Variants in IDE observed in about 807,000 individuals in gnomAD.
The protein encoded by IDE is insulin-degrading enzyme.
In IDE, 58 loss-of-function variants were observed where a neutral mutation model predicts 133.2. That is an observed-to-expected ratio of 0.44 (90% CI 0.35 to 0.54). The LOEUF (loss-of-function observed/expected upper bound fraction) is 0.54, where lower values mean the gene tolerates loss of function less well. IDE is among the 20% of genes least tolerant of loss of function. IDE has a pLI of 0.00. For missense variants in IDE, 981 were observed against 1,234.0 expected, an observed-to-expected ratio of 0.79 and a Z score of 3.07; for synonymous variants, 396 against 421.3, an observed-to-expected ratio of 0.94 and a Z score of 0.73.
intron 17 of IDE, 96 bp downstream of exon 17, chr10:92,474,745 G>T: frequency 9.0e-7 from 1 of 1,108,124 alleles, no homozygotes; most frequent in Non-Finnish European, 1.3e-6. Flanking sequence ...AGAACTACAA[G>T]TTATTTAAAA....
At chr10:92,546,299 T>C (rs1842530934) in intron 1 of IDE, among the ~76,000 whole-genome samples, 1 of 152,216 alleles carries the variant, frequency 6.6e-6, no homozygotes, top group African/African-American at 2.4e-5. Flanking sequence ...TTCCAGGTCA[T>C]GTGCTGGTTA....
intron 11 of IDE, among the ~76,000 whole-genome samples, chr10:92,491,513 C>T (rs889634837): frequency 2.6e-5 from 4 of 152,150 alleles, no homozygotes; most frequent in Admixed American, 1.3e-4. Context: ...ATGTCTACCA[C>T]TGTAACCTCT....
chr10:92,541,263 T>A (rs1402203324), intron 1 of IDE: 1 of 465,256 alleles, frequency 2.1e-6, no homozygotes, highest in Non-Finnish European at 4.5e-6. Flanking sequence ...CTATAGCATA[T>A]CTATAAACAC....
chr10:92,511,385 G>A (rs943435386), intron 5 of IDE, among the ~76,000 whole-genome samples: 4 of 152,086 alleles, frequency 2.6e-5, no homozygotes, highest in Non-Finnish European at 5.9e-5. Flanking sequence ...TTACAGATGT[G>A]AGCCACCATG....
chr10:92,492,621 G>T (rs1237074339), intron 11 of IDE, among the ~76,000 whole-genome samples: 12 of 152,130 alleles, frequency 7.9e-5, no homozygotes, highest in Admixed American at 1.3e-4. Flanking sequence ...CAAATAATTA[G>T]GTCCCAATTC....
chr10:92,487,353 A>G (rs1473795524), intron 12 of IDE, 35 bp from the exon 13 acceptor site: 1 of 1,588,694 alleles, frequency 6.3e-7, no homozygotes, highest in Non-Finnish European at 8.6e-7. Context: ...ATGCAGTAAG[A>G]GTCTGATTTA....
intron 11 of IDE, among the ~76,000 whole-genome samples, chr10:92,491,929 C>T (rs892902367): frequency 4.2e-4 from 64 of 151,886 alleles, no homozygotes; most frequent in African/African-American, 1.4e-3. Flanking sequence ...TTTTTTGATG[C>T]GACAGTAGAA....
intron 1 of IDE, among the ~76,000 whole-genome samples, chr10:92,542,289 G>C (rs1187084052): frequency 6.6e-6 from 1 of 152,078 alleles, no homozygotes; most frequent in African/African-American, 2.4e-5. Context: ...CCAGTAGCTG[G>C]GACTATAGGC....
rs189523206 is a variant in IDE at position 92,466,750 on chromosome 10, C to T, written c.2321-907G>A. On this transcript the variant is annotated intron_variant, in intron 19 of 24. Coordinates refer to ENST00000265986, the MANE Select transcript of IDE (RefSeq NM_004969.4). The stretch of plus-strand genomic sequence containing the variant: ...CTCCTACCTCAGCCTCCCAAGTAGC[C>T]GGGATTACAGGTGCCTGCCACTATG... Among the ~76,000 whole-genome samples, 8 of 151,234 alleles carry T rather than the reference C, an allele frequency of 5.3e-5. No individual in the cohort carries two copies. In the East Asian group the frequency reaches 9.8e-4, roughly 19 times the overall value.
In IDE at chr10:92,463,813, T is replaced by C. The variant is rs762604985; in HGVS notation, c.2679A>G (p.Arg893=). 3.7e-6 allele frequency: 6 copies of C among 1,614,008 alleles called. No individual in the cohort carries two copies. The Admixed American group carries it at 6.7e-5, about 18-fold the overall frequency. ...CAGATAGCTTCTTTGGTTTGTCTAGTCGACGAATTGCTAATGCCTGAATGT... is the reference window on the plus strand; with the variant it reads ...CAGATAGCTTCTTTGGTTTGTCTAGCCGACGAATTGCTAATGCCTGAATGT... ...QKHIQALAIR[R]LDKPKKLSAE... The change falls in exon 21 of 25, where the codon CGA becomes CGG. Residue 893 remains arginine, a synonymous_variant. Coordinates refer to ENST00000265986, the MANE Select transcript of IDE (RefSeq NM_004969.4).
At chr10:92,569,666 C>G (rs1197009192) in intron 1 of IDE, among the ~76,000 whole-genome samples, 1 of 152,076 alleles carries the variant, frequency 6.6e-6, no homozygotes, top group African/African-American at 2.4e-5. Context: ...ATGATAACAA[C>G]ATAGCAAAAC....
At chr10:92,528,318 A>AT (rs1849735962) in intron 4 of IDE, among the ~76,000 whole-genome samples, 1 of 152,078 alleles carries the variant, frequency 6.6e-6, no homozygotes, top group African/African-American at 2.4e-5. Context: ...GTTGTGGTTT[A>AT]TTTTTGTTCA....
At chr10:92,469,367 G>C (rs1380529799) in intron 18 of IDE, among the ~76,000 whole-genome samples, 1 of 152,106 alleles carries the variant, frequency 6.6e-6, no homozygotes, top group Non-Finnish European at 1.5e-5. Flanking sequence ...CCACTTATTA[G>C]CATCTGACCT....
At chr10:92,470,396 G>T in intron 17 of IDE, 51 bp from the exon 18 acceptor site, 1 of 1,246,850 alleles carries the variant, frequency 8.0e-7, no homozygotes, top group Non-Finnish European at 1.1e-6. Context: ...GGGATTTTTT[G>T]TTTGAGATAA....
chr10:92,471,391 A>G lies in IDE; in HGVS notation c.2117-1046T>C, dbSNP rs940405921. Among the ~76,000 whole-genome samples, 3 of 152,332 alleles carry G rather than the reference A, an allele frequency of 2.0e-5. No individual in the cohort carries two copies. In the South Asian group the frequency reaches 6.2e-4, roughly 32 times the overall value. ...TTTTACAGATGTTATCTTTCACACT[A>G]TAAAGTAGCTACTATTATCCCCACT... is the stretch of plus-strand genomic sequence containing the variant. On this transcript the variant is annotated intron_variant, in intron 17 of 24. Transcript: ENST00000265986.
chr10:92,541,245 G>A (rs1842288473), intron 1 of IDE: 9 of 430,502 alleles, frequency 2.1e-5, no homozygotes, highest in South Asian at 1.6e-4. Flanking sequence ...TACAAAGTCT[G>A]GGTTTACCTA....
intron 4 of IDE, among the ~76,000 whole-genome samples, chr10:92,524,446 T>TTATA (rs1564647982): frequency 2.3e-5 from 1 of 42,966 alleles, no homozygotes; most frequent in African/African-American, 1.1e-4. Flanking sequence ...TATAATATAT[T>TTATA]TTATATATTA....
intron 1 of IDE, among the ~76,000 whole-genome samples, chr10:92,548,917 G>A (rs748504793): frequency 1.3e-5 from 2 of 152,130 alleles, no homozygotes; most frequent in Non-Finnish European, 2.9e-5. Context: ...ATGGCACATA[G>A]TGAGTAGAGG....
chr10:92,501,734 G>A (rs571729257), intron 11 of IDE, among the ~76,000 whole-genome samples: 2 of 151,900 alleles, frequency 1.3e-5, no homozygotes, highest in Non-Finnish European at 2.9e-5. Context: ...CAGCACTTTG[G>A]GAGGCTGAGG....
Sources: gnomAD v4.1 joint callset for allele counts (sites outside exome capture counted in the v4.1 genomes callset) on GRCh38, gnomAD v4.1.1 for gene constraint, MANE v1.5 for transcripts, NCBI Gene and HGNC (gene_info 2026-07-23, HGNC 2026-07-21) for gene names.